Variants in TTC3 observed in about 807,000 individuals in gnomAD.
The protein encoded by TTC3 is E3 ubiquitin-protein ligase TTC3.
In TTC3, 180 loss-of-function variants were observed where a neutral mutation model predicts 249.6. The ratio of observed to expected loss-of-function variants is 0.72; its 90% CI spans 0.64 to 0.82. The LOEUF (loss-of-function observed/expected upper bound fraction) is 0.82. TTC3 is among the 40% of genes least tolerant of loss of function. The probability of loss-of-function intolerance (pLI) is 0.00; values close to 1 mark genes in which losing one functional copy is unlikely to be tolerated. For missense variants in TTC3, 2,061 were observed against 2,398.4 expected (o/e 0.86, Z 2.94); for synonymous variants, 717 against 805.0 (o/e 0.89, Z 1.85).
At chr21:37,144,247 A>T (rs1210536571) in intron 20 of TTC3, among the ~76,000 whole-genome samples, 7 of 151,628 alleles carry the variant, frequency 4.6e-5, no homozygotes, top group East Asian at 1.9e-4. Context: ...TATAATAAAA[A>T]AAATATATAT....
chr21:37,108,753 A>T (rs2075325544), intron 11 of TTC3, among the ~76,000 whole-genome samples: 1 of 152,066 alleles, frequency 6.6e-6, no homozygotes, highest in Admixed American at 6.6e-5. Context: ...ACTGGGGAGG[A>T]AGTATAGGAG....
intron 45 of TTC3, among the ~76,000 whole-genome samples, chr21:37,200,606 A>C (rs2085397605): frequency 6.6e-6 from 1 of 152,230 alleles, no homozygotes; most frequent in African/African-American, 2.4e-5. Flanking sequence ...GTTCCTTGAA[A>C]GGTGATTTCT....
intron 34 of TTC3, among the ~76,000 whole-genome samples, chr21:37,169,968 C>G (rs1016744064): frequency 2.6e-5 from 4 of 152,064 alleles, no homozygotes; most frequent in Admixed American, 2.6e-4. Flanking sequence ...TGGTCCCTAC[C>G]TCATTCCTTA....
exon 42 of TTC3, chr21:37,196,010 G>A (rs1461028093): frequency 1.2e-6 from 2 of 1,614,162 alleles, no homozygotes; most frequent in Admixed American, 3.3e-5. Flanking sequence ...TTGAGCACCT[G>A]TCAGTGGTAT....
chr21:37,073,290 C>T (rs896254669), exon 1 of TTC3: 7 of 265,860 alleles, frequency 2.6e-5, no homozygotes, highest in Non-Finnish European at 4.0e-5. Context: ...CGTGGAGGGC[C>T]GGAGGTGGCG....
intron 39 of TTC3, among the ~76,000 whole-genome samples, chr21:37,189,856 T>C (rs545268654): frequency 1.3e-3 from 198 of 151,146 alleles, no homozygotes; most frequent in African/African-American, 4.6e-3. Flanking sequence ...ATTACAGGAG[T>C]GAGCCACCAC....
rs1256937042 is a variant in TTC3 at position 37,157,062 on chromosome 21, A to AT, written c.2992+163dup. The AT allele has an allele frequency of 6.0e-6, 8 of 1,338,894 alleles. No individual in the cohort carries two copies. The Admixed American group carries it at 1.4e-4, about 24-fold the overall frequency. The allele number at this position is 1,338,894 out of a possible 1,614,324, so 82.9% of individuals were successfully genotyped here. Reference sequence around the variant, plus strand: ...GGGAAGTTAGTGATTAACAGTAGCAATTTTTTTATATCATGAAGCTTTTTT... The same window carrying AT: ...GGGAAGTTAGTGATTAACAGTAGCAATTTTTTTTATATCATGAAGCTTTTTT... On this transcript the variant is annotated intron_variant, in intron 28 of 45. Coordinates refer to ENST00000355666, the Ensembl canonical transcript of TTC3.
chr21:37,196,692 AT>A (rs2084951113), intron 42 of TTC3, among the ~76,000 whole-genome samples: 1 of 152,180 alleles, frequency 6.6e-6, no homozygotes, highest in Non-Finnish European at 1.5e-5. Flanking sequence ...CAAAACAATA[AT>A]TTTGCATCAT....
intron 35 of TTC3, among the ~76,000 whole-genome samples, chr21:37,181,691 C>G (rs1007026237): frequency 1.3e-5 from 2 of 152,224 alleles, no homozygotes; most frequent in African/African-American, 4.8e-5. Context: ...AGGACCTTGA[C>G]TGGTTAGCAA....
rs751493837 is a variant in TTC3, at chr21:37,094,026, T to C, written c.623T>C (p.Ile208Thr). 4.4e-6 allele frequency: 7 copies of C among 1,608,470 alleles called. No individual in the cohort carries two copies. The South Asian group carries it at 6.6e-5, about 15-fold the overall frequency. The change falls in exon 8 of 46, where the codon ATT (isoleucine) becomes ACT (threonine). Residue 208 changes from isoleucine to threonine, a missense_variant. Ile to Thr is a moderately conservative substitution (Grantham distance 89, BLOSUM62 -1). Around this residue, in one of 3 missense-constraint regions of TTC3, gnomAD observed 989 missense variants for 1,145.1 expected, o/e 0.86. Transcript: ENST00000355666. ...TTAGACAAGTACCACATAACTAAAA[T>C]TGTAATGGAAGACTGCAATTTGCTT... is the stretch of plus-strand genomic sequence containing the variant.
chr21:37,122,322 A>G (rs904156238), intron 12 of TTC3, among the ~76,000 whole-genome samples: 4 of 150,712 alleles, frequency 2.7e-5, no homozygotes, highest in African/African-American at 9.7e-5. Flanking sequence ...CTTCATTGCT[A>G]AAGTTATTTC....
chr21:37,182,694 G>C (rs569846223), intron 35 of TTC3, 80 bp from the exon 36 acceptor site: 3 of 1,367,692 alleles, frequency 2.2e-6, no homozygotes, highest in Non-Finnish European at 2.9e-6. Context: ...CTATGGCACC[G>C]TCACAATTCT....
At chr21:37,132,965 G>T (rs1211647981) in intron 17 of TTC3, among the ~76,000 whole-genome samples, 199 bp downstream of exon 17, 1 of 152,240 alleles carries the variant, frequency 6.6e-6, no homozygotes, top group South Asian at 2.1e-4. Flanking sequence ...TCCTCTTAAA[G>T]TGTTGGGATT....
In TTC3 at chr21:37,148,689, T is replaced by A; in HGVS notation, c.2118+42T>A. On this transcript the variant is annotated intron_variant, in intron 23 of 45. Transcript: ENST00000355666. The stretch of plus-strand genomic sequence containing the variant: ...TTGTCTGAATTTTTCAGTATACTTA[T>A]TGTATGTCAATTTTTCCCCCAAGAA... The A allele has an allele frequency of 2.2e-6, 3 of 1,351,294 alleles. No homozygotes were observed. The South Asian group carries it at 4.3e-5, about 19-fold the overall frequency. The allele number at this position is 1,351,294 out of a possible 1,614,324, so 83.7% of individuals were successfully genotyped here. A position where few individuals can be genotyped will look rare whatever the true frequency, so the allele number is the denominator to read the frequency against.
rs2085492370 is a variant in TTC3, at chr21:37,201,434, T to C, written c.5944-6T>C. Reference sequence around the variant, plus strand: ...GCATCTTCTGATTTTGTTTTCTCCTTTTCAGTGCTTTAAGCAGTGGCTTAA... The same window carrying C: ...GCATCTTCTGATTTTGTTTTCTCCTCTTCAGTGCTTTAAGCAGTGGCTTAA... On this transcript the variant is annotated splice_polypyrimidine_tract_variant and splice_region_variant and intron_variant, in intron 45 of 45. Transcript: ENST00000355666. 1 of 1,613,540 alleles carries C rather than the reference T, an allele frequency of 6.2e-7. No homozygotes were observed. The highest frequency in any genetic ancestry group is 8.5e-7 in the Non-Finnish European group (1 of 1,180,022).
intron 35 of TTC3, among the ~76,000 whole-genome samples, chr21:37,175,597 CAAAAA>C (rs1175943574): frequency 2.3e-5 from 1 of 42,852 alleles, no homozygotes. Context: ...GACTCCATCT[CAAAAA>C]AAAAAAAAAA....
chr21:37,103,454 C>T (rs2074726206), intron 10 of TTC3, among the ~76,000 whole-genome samples: 1 of 152,048 alleles, frequency 6.6e-6, no homozygotes, highest in Non-Finnish European at 1.5e-5. Context: ...TTATTTAGAC[C>T]CTGGGCTGCA....
intron 9 of TTC3, 180 bp downstream of exon 9, chr21:37,095,624 T>A (rs1175614444): frequency 9.4e-6 from 4 of 426,930 alleles, no homozygotes. Flanking sequence ...GAAGCTAACG[T>A]AGTAGCATAA....
intron 33 of TTC3, among the ~76,000 whole-genome samples, chr21:37,166,960 G>C (rs890184529): frequency 1.3e-5 from 2 of 152,190 alleles, no homozygotes; most frequent in Admixed American, 1.3e-4. Context: ...GTGCTAGCTG[G>C]AAGTGTAGCC....
Sources: gnomAD v4.1 joint callset for allele counts (sites outside exome capture counted in the v4.1 genomes callset) on GRCh38, gnomAD v4.1.1 for gene constraint, gnomAD v4.1.1 regional missense constraint, MANE v1.5 for transcripts, NCBI Gene and HGNC (gene_info 2026-07-23, HGNC 2026-07-21) for gene names.